The following LGR4 variants were observed in gnomAD, a reference collection of about 807,000 sequenced individuals.
LGR4 encodes the protein leucine rich repeat containing G protein-coupled receptor 4, also known as leucine-rich repeat-containing G protein-coupled receptor 4.
A neutral mutation model predicts 84.8 loss-of-function variants in LGR4; 44 were observed. That is an observed-to-expected ratio of 0.52 (90% CI 0.41 to 0.67). The LOEUF (loss-of-function observed/expected upper bound fraction) is 0.67. LGR4 is among the 30% of genes least tolerant of loss of function. The pLI is 0.00. For missense variants in LGR4, 1,032 were observed against 1,131.4 expected, an observed-to-expected ratio of 0.91 and a Z score of 1.26; for synonymous variants, 429 against 434.3, an observed-to-expected ratio of 0.99 and a Z score of 0.15.
Position 27,374,049 on chromosome 11 carries a change from G to T in LGR4, c.1182-3C>A. ...GTATCAGGTTTCTACTCAGATCTCT[G>T]CAATTATAAGAGTAACATGTTAATC... On this transcript the variant is annotated splice_region_variant and splice_polypyrimidine_tract_variant and intron_variant, in intron 13 of 17. Transcript: ENST00000379214. 2 of 1,594,560 alleles carry T rather than the reference G, an allele frequency of 1.3e-6. No homozygotes were observed. The highest frequency in any genetic ancestry group is 1.7e-6 in the Non-Finnish European group (2 of 1,162,542).
At chr11:27,406,898 T>C (rs1464716243) in intron 2 of LGR4, among the ~76,000 whole-genome samples, 1 of 152,146 alleles carries the variant, frequency 6.6e-6, no homozygotes, top group Non-Finnish European at 1.5e-5. Flanking sequence ...AAACGTTAAG[T>C]GAGTCAAACT....
chr11:27,402,900 A>T (rs1410056977), intron 2 of LGR4, among the ~76,000 whole-genome samples: 1 of 152,112 alleles, frequency 6.6e-6, no homozygotes, highest in Non-Finnish European at 1.5e-5. Context: ...AAATACACAA[A>T]CAACTACAGA....
At chr11:27,385,815 C>CAAAAAAA (rs66507121) in intron 4 of LGR4, among the ~76,000 whole-genome samples, 1 of 146,878 alleles carries the variant, frequency 6.8e-6, no homozygotes. Flanking sequence ...ATCAGGCATA[C>CAAAAAAA]AAAAAAAAAA....
chr11:27,411,628 C>A (rs1423341124), intron 2 of LGR4, among the ~76,000 whole-genome samples: 1 of 152,026 alleles, frequency 6.6e-6, no homozygotes, highest in Non-Finnish European at 1.5e-5. Flanking sequence ...TTAGCTGCAC[C>A]TTTTTCAAAG....
chr11:27,418,176 T>G (rs1863857654), intron 1 of LGR4, among the ~76,000 whole-genome samples: 1 of 152,238 alleles, frequency 6.6e-6, no homozygotes, highest in Non-Finnish European at 1.5e-5. Context: ...ACTCTATTCT[T>G]AACTTGCTAT....
rs918096327 is a variant in LGR4 at position 27,472,245 on chromosome 11, C to G, written c.58G>C (p.Gly20Arg). Reference sequence around the variant, plus strand: ...AGAGGCGGCGCCGCGCCGCTGGGCCCGGCCGAGCCGAGCAGCCCCAGGGCG... The same window carrying G: ...AGAGGCGGCGCCGCGCCGCTGGGCCGGGCCGAGCCGAGCAGCCCCAGGGCG... The part of the protein sequence containing the change: ...FLALGLLGSA[G>R]PSGAAPPLCA... Residue 20 changes from glycine to arginine, a missense_variant, in exon 1 of 18, where the codon GGG becomes CGG. Physicochemically the swap from Gly to Arg is moderately radical, Grantham distance 125. Coordinates refer to ENST00000379214, the MANE Select transcript of LGR4 (RefSeq NM_018490.5). The G allele has an allele frequency of 2.6e-5, 35 of 1,322,338 alleles. No individual in the cohort carries two copies. The highest frequency in any genetic ancestry group is 3.9e-5 in the South Asian group (2 of 51,144). 81.9% of individuals were successfully genotyped at this position (1,322,338 alleles called of 1,614,324 possible).
At chr11:27,415,883 A>G (rs1186132223) in intron 1 of LGR4, among the ~76,000 whole-genome samples, 2 of 152,132 alleles carry the variant, frequency 1.3e-5, no homozygotes, top group African/African-American at 4.8e-5. Context: ...TAGATTCTAG[A>G]TCTGACATTA....
intron 1 of LGR4, among the ~76,000 whole-genome samples, chr11:27,435,383 C>T (rs902857798): frequency 6.6e-6 from 1 of 151,904 alleles, no homozygotes; most frequent in East Asian, 1.9e-4. Flanking sequence ...TCAGAGATAA[C>T]AATGCTACTA....
chr11:27,368,758 C>T lies in LGR4; in HGVS notation c.1965G>A (p.Lys655=). Residue 655 remains lysine, a synonymous_variant, in exon 18 of 18, where the codon AAG becomes AAA. Transcript: ENST00000379214. ...CCCGGAACTGTTTGAGATGATTGCT[C>T]TTCCCATTTTTCATTATATCTTTTG... is the stretch of plus-strand genomic sequence containing the variant. ...LSAKDIMKNG[K]SNHLKQFRVA... The T allele has an allele frequency of 6.2e-7, 1 of 1,613,952 alleles. No homozygotes were observed. The highest frequency in any genetic ancestry group is 1.1e-5 in the South Asian group (1 of 91,038).
intron 1 of LGR4, among the ~76,000 whole-genome samples, chr11:27,447,849 T>C (rs570871693): frequency 1.3e-5 from 2 of 152,178 alleles, no homozygotes; most frequent in African/African-American, 4.8e-5. Flanking sequence ...GTGTGTTAAG[T>C]CTTTAAATTT....
At chr11:27,431,999 T>C (rs1465677545) in intron 1 of LGR4, among the ~76,000 whole-genome samples, 1 of 152,212 alleles carries the variant, frequency 6.6e-6, no homozygotes, top group Non-Finnish European at 1.5e-5. Flanking sequence ...GAAGGTACTC[T>C]ATGCACATTG....
At chr11:27,407,344 C>G (rs556815487) in intron 2 of LGR4, among the ~76,000 whole-genome samples, 1 of 152,044 alleles carries the variant, frequency 6.6e-6, no homozygotes, top group Admixed American at 6.6e-5. Flanking sequence ...TTTGAGGCAA[C>G]ATTATAGCTT....
intron 1 of LGR4, among the ~76,000 whole-genome samples, chr11:27,451,157 C>T (rs1864474669): frequency 1.3e-5 from 2 of 152,224 alleles, no homozygotes; most frequent in South Asian, 4.1e-4. Flanking sequence ...AAAGTTAGCA[C>T]AATTTTTCAC....
chr11:27,400,831 G>T (rs541527521), intron 2 of LGR4, among the ~76,000 whole-genome samples: 21 of 152,182 alleles, frequency 1.4e-4, no homozygotes, highest in African/African-American at 4.8e-4. Flanking sequence ...GACTTCAAGA[G>T]GACCGGAGGA....
At chr11:27,434,723 T>C (rs895652412) in intron 1 of LGR4, among the ~76,000 whole-genome samples, 2 of 152,136 alleles carry the variant, frequency 1.3e-5, no homozygotes, top group Non-Finnish European at 2.9e-5. Context: ...TGCCTATTCA[T>C]AGCCCCTGAA....
At chr11:27,374,710 A>T (rs555836775) in intron 13 of LGR4, among the ~76,000 whole-genome samples, 1 of 152,210 alleles carries the variant, frequency 6.6e-6, no homozygotes, top group Non-Finnish European at 1.5e-5. Context: ...GATAACAAGG[A>T]AACTCAACAC....
At chr11:27,433,283 G>C (rs1044451586) in intron 1 of LGR4, among the ~76,000 whole-genome samples, 2 of 152,152 alleles carry the variant, frequency 1.3e-5, no homozygotes, top group South Asian at 4.1e-4. Context: ...CGCCATCTCG[G>C]CTCACTACAA....
chr11:27,367,772 T>A lies in LGR4; in HGVS notation c.*95A>T, dbSNP rs1862793963. The A allele has an allele frequency of 1.1e-6, 1 of 893,302 alleles. No individual in the cohort carries two copies. The highest frequency in any genetic ancestry group is 2.4e-5 in the East Asian group (1 of 40,916). 55.3% of individuals were successfully genotyped at this position (893,302 alleles called of 1,614,324 possible). ...TCTTCTAAGTGACACCAGGCAGTGA[T>A]TACAGAAGTGCTTCCCAGATGAAAG... On this transcript the variant is annotated 3_prime_UTR_variant, in exon 18 of 18. Transcript: ENST00000379214.
chr11:27,470,036 G>C (rs1864842976), intron 1 of LGR4, among the ~76,000 whole-genome samples: 1 of 152,144 alleles, frequency 6.6e-6, no homozygotes, highest in South Asian at 2.1e-4. Flanking sequence ...AGGGTGAAAT[G>C]AGTACTAAGG....
Sources: gnomAD v4.1 joint callset for allele counts (sites outside exome capture counted in the v4.1 genomes callset) on GRCh38, gnomAD v4.1.1 for gene constraint, MANE v1.5 for transcripts, NCBI Gene and HGNC (gene_info 2026-07-23, HGNC 2026-07-21) for gene names.